CDH18: variants seen among roughly 807,000 people sequenced by gnomAD.
The protein encoded by CDH18 is cadherin-18.
CDH18 carries 31 observed loss-of-function variants against 67.9 expected under a neutral mutation model. That is an observed-to-expected ratio of 0.46 (90% CI 0.34 to 0.62). The LOEUF is 0.62. Among genes scored for constraint, CDH18 ranks in the 20% least tolerant of loss-of-function variants. CDH18 has a pLI of 0.01. For synonymous variants in CDH18, 362 were observed against 347.2 expected, an observed-to-expected ratio of 1.04 and a Z score of -0.48; for missense variants, 890 against 975.5, an observed-to-expected ratio of 0.91 and a Z score of 1.17.
intron 4 of CDH18, among the ~76,000 whole-genome samples, chr5:19,744,702 G>C (rs772803874): frequency 1.3e-5 from 2 of 152,024 alleles, no homozygotes; most frequent in Admixed American, 6.6e-5. Flanking sequence ...GATCATATTT[G>C]TCTAAACAAT....
intron 2 of CDH18, among the ~76,000 whole-genome samples, chr5:20,255,055 C>T (rs1215801941): frequency 6.6e-6 from 1 of 152,028 alleles, no homozygotes; most frequent in Admixed American, 6.6e-5. Flanking sequence ...CATGTTCTCG[C>T]TTATAAATGA....
intron 1 of CDH18, among the ~76,000 whole-genome samples, chr5:20,257,195 A>G (rs1481715921): frequency 6.6e-6 from 1 of 152,050 alleles, no homozygotes; most frequent in African/African-American, 2.4e-5. Flanking sequence ...ACTAGTGATG[A>G]TACAGTGTTC....
At chr5:20,483,243 A>G (rs1752937748) in intron 1 of CDH18, among the ~76,000 whole-genome samples, 1 of 152,068 alleles carries the variant, frequency 6.6e-6, no homozygotes, top group Admixed American at 6.6e-5. Flanking sequence ...TAAAAACTAC[A>G]AAACATTGAT....
chr5:19,583,247 C>A lies in CDH18; in HGVS notation c.999+7810G>T, dbSNP rs114604956. Among the ~76,000 whole-genome samples the A allele has an allele frequency of 7.2e-3, 1,089 of 152,110 alleles. 14 individuals are homozygous for A. The highest frequency in any genetic ancestry group is 0.025 in the African/African-American group (1,031 of 41,524). On this transcript the variant is annotated intron_variant, in intron 7 of 12. Transcript: ENST00000382275. Reference sequence around the variant, plus strand: ...AAAAGTCTTATCCTATCAGAAGCTACAACTTTAAGAGGAAAATAAAACTGA... The same window carrying A: ...AAAAGTCTTATCCTATCAGAAGCTAAAACTTTAAGAGGAAAATAAAACTGA...
chr5:19,898,584 G>A (rs1437420566), intron 2 of CDH18, among the ~76,000 whole-genome samples: 3 of 151,900 alleles, frequency 2.0e-5, no homozygotes, highest in Admixed American at 1.3e-4. Flanking sequence ...ATAATATGGA[G>A]TGAGTAAAAA....
chr5:19,725,499 G>C (rs1464277854), intron 4 of CDH18, among the ~76,000 whole-genome samples: 2 of 152,176 alleles, frequency 1.3e-5, no homozygotes, highest in African/African-American at 4.8e-5. Flanking sequence ...GCCAGGCACA[G>C]TGGCTCACGC....
chr5:19,743,272 G>A (rs1769475002), intron 4 of CDH18, among the ~76,000 whole-genome samples: 1 of 152,168 alleles, frequency 6.6e-6, no homozygotes, highest in African/African-American at 2.4e-5. Context: ...AGGGCTGGCA[G>A]AACACTAACT....
At chr5:20,551,580 T>C (rs1757635869) in intron 1 of CDH18, among the ~76,000 whole-genome samples, 1 of 152,132 alleles carries the variant, frequency 6.6e-6, no homozygotes, top group Non-Finnish European at 1.5e-5. Flanking sequence ...GTTAATCAAT[T>C]GGAGTTGAGT....
chr5:19,612,163 T>C (rs574115623), intron 6 of CDH18, among the ~76,000 whole-genome samples: 45 of 152,276 alleles, frequency 3.0e-4, no homozygotes, highest in African/African-American at 1.1e-3. Flanking sequence ...AAAGGCAAGA[T>C]GCCATTTTTT....
intron 2 of CDH18, among the ~76,000 whole-genome samples, chr5:20,216,790 G>A (rs1319112380): frequency 6.6e-6 from 1 of 151,874 alleles, no homozygotes; most frequent in East Asian, 1.9e-4. Context: ...AGAACAATGA[G>A]ATTTAACACA....
chr5:20,351,828 G>A (rs970822150), intron 1 of CDH18, among the ~76,000 whole-genome samples: 1 of 151,978 alleles, frequency 6.6e-6, no homozygotes, highest in African/African-American at 2.4e-5. Context: ...TTCACTTTTC[G>A]GTATTGCTTT....
At chr5:19,549,403 ACT>A (rs1736940863) in intron 8 of CDH18, among the ~76,000 whole-genome samples, 3 of 152,052 alleles carry the variant, frequency 2.0e-5, no homozygotes, top group Admixed American at 6.6e-5. Context: ...CTTCCTGCAC[ACT>A]CTGCAGAATC....
At chr5:19,722,405 C>T (rs181140342) in intron 4 of CDH18, among the ~76,000 whole-genome samples, 1 of 151,264 alleles carries the variant, frequency 6.6e-6, no homozygotes, top group African/African-American at 2.4e-5. Flanking sequence ...ATACACAGTG[C>T]CAACATCGCA....
chr5:19,537,495 A>T (rs1384205200), intron 9 of CDH18, among the ~76,000 whole-genome samples: 2 of 151,834 alleles, frequency 1.3e-5, no homozygotes, highest in African/African-American at 2.4e-5. Context: ...CATCCTCCCT[A>T]TCGCTCTGTT....
intron 2 of CDH18, among the ~76,000 whole-genome samples, chr5:20,211,586 T>C (rs1374654230): frequency 6.6e-6 from 1 of 152,160 alleles, no homozygotes; most frequent in Non-Finnish European, 1.5e-5. Context: ...TGTTCTGCAA[T>C]ATTTGCTGTT....
chr5:19,650,101 C>T (rs997268986), intron 5 of CDH18, among the ~76,000 whole-genome samples: 2 of 151,948 alleles, frequency 1.3e-5, no homozygotes, highest in African/African-American at 4.8e-5. Flanking sequence ...ATTTTCAATA[C>T]TTACTGTACA....
At chr5:19,807,784 C>T (rs1778186869) in intron 3 of CDH18, among the ~76,000 whole-genome samples, 1 of 152,176 alleles carries the variant, frequency 6.6e-6, no homozygotes, top group Non-Finnish European at 1.5e-5. Context: ...GTTCTTCCCT[C>T]ATCCTCCATC....
intron 1 of CDH18, among the ~76,000 whole-genome samples, chr5:20,483,502 T>C (rs1468564729): frequency 1.3e-5 from 2 of 151,986 alleles, no homozygotes; most frequent in Non-Finnish European, 2.9e-5. Context: ...AGAATCACTT[T>C]GGATGACTTC....
rs181952064 is a variant in CDH18 at position 19,708,161 on chromosome 5, C to T, written c.643+13186G>A. On this transcript the variant is annotated intron_variant, in intron 5 of 12. Transcript: ENST00000382275. ...AAAAAGCATCTAGAAGGACACTCTA[C>T]AAACTTGCCTTTGGATATTGCAAAA... 3.7e-3 allele frequency among the ~76,000 whole-genome samples: 557 copies of T among 152,270 alleles called. 1 individual carries two copies. The highest frequency in any genetic ancestry group is 6.3e-3 in the Non-Finnish European group (429 of 68,014).
Sources: gnomAD v4.1 joint callset for allele counts (sites outside exome capture counted in the v4.1 genomes callset) on GRCh38, gnomAD v4.1.1 for gene constraint, MANE v1.5 for transcripts, NCBI Gene and HGNC (gene_info 2026-07-23, HGNC 2026-07-21) for gene names.